UTRN: variants seen among roughly 807,000 people sequenced by gnomAD.
UTRN encodes utrophin.
UTRN carries 283 observed loss-of-function variants against 463.9 expected under a neutral mutation model. That is an observed-to-expected ratio of 0.61 (90% CI 0.55 to 0.67). The LOEUF is 0.67. Ranked by LOEUF, UTRN falls within the 30% of genes least tolerant of loss-of-function variation. The pLI, the probability that UTRN is intolerant of heterozygous loss-of-function variation, is 0.00. For synonymous variants in UTRN, 1,442 were observed against 1,431.5 expected, an observed-to-expected ratio of 1.01 and a Z score of -0.17; for missense variants, 3,922 against 4,084.3, an observed-to-expected ratio of 0.96 and a Z score of 1.08.
At chr6:144,462,626 A>G (rs1789538918) in intron 22 of UTRN, 28 bp from the exon 23 acceptor site, 3 of 1,568,700 alleles carry the variant, frequency 1.9e-6, no homozygotes, top group Non-Finnish European at 2.6e-6. Flanking sequence ...TTTTGTGCAT[A>G]TTTTTAATCT....
At position 144,851,653 on chromosome 6, in the gene UTRN, T is replaced by C. The variant is rs1194545904; in HGVS notation, c.*656T>C. ...GCCCTGTGTATGCCGTTTAACTTTA[T>C]TTGACGTTGCCCACTTACTTCTTTG... On this transcript the variant is annotated 3_prime_UTR_variant, in exon 75 of 75. Coordinates refer to ENST00000367545, the MANE Select transcript of UTRN (RefSeq NM_007124.3). 2.6e-5 allele frequency: 4 copies of C among 152,192 alleles called. No individual in the cohort carries two copies. The highest frequency in any genetic ancestry group is 5.9e-5 in the Non-Finnish European group (4 of 68,024). 9.4% of individuals were successfully genotyped at this position (152,192 alleles called of 1,614,324 possible).
In UTRN at chr6:144,444,327, G is replaced by A. The variant is rs781481107; in HGVS notation, c.1559G>A (p.Arg520His). Residue 520 changes from arginine (R) to histidine (H), a missense_variant, in exon 14 of 75, where the codon CGC becomes CAC. Transcript: ENST00000367545. ...GCAGTATGCCGTTGGACTGAAGAAC[G>A]CTGGAATAGGTTACAAGAAATCAAT... is the stretch of plus-strand genomic sequence containing the variant. ...WTAVCRWTEE[R>H]WNRLQEINIL... The A allele has an allele frequency of 1.4e-5, 23 of 1,611,386 alleles. No homozygotes were observed. Among genetic ancestry groups the A allele is most frequent in the Non-Finnish European group, 1.8e-5 (21 of 1,178,488 alleles).
intron 51 of UTRN, among the ~76,000 whole-genome samples, chr6:144,622,184 GT>G (rs1199579909): frequency 1.0e-3 from 88 of 88,204 alleles, no homozygotes; most frequent in African/African-American, 2.9e-3. Flanking sequence ...TTTTTTTGTT[GT>G]TTTTTTTTTT....
chr6:144,799,418 G>A (rs1210990989), intron 64 of UTRN: 1 of 471,338 alleles, frequency 2.1e-6, no homozygotes, highest in South Asian at 1.6e-5. Flanking sequence ...AGACAGCTAG[G>A]GTAATAGATG....
At chr6:144,583,680 G>C in intron 51 of UTRN, 1 of 466,048 alleles carries the variant, frequency 2.1e-6, no homozygotes, top group Non-Finnish European at 4.0e-6. Context: ...TAATCTTTCA[G>C]GTTCTTATCA....
At chr6:144,675,913 A>G (rs999112896) in intron 51 of UTRN, among the ~76,000 whole-genome samples, 2 of 152,194 alleles carry the variant, frequency 1.3e-5, no homozygotes, top group African/African-American at 4.8e-5. Flanking sequence ...CATTTTCCTC[A>G]AAAGAATTTT....
intron 51 of UTRN, among the ~76,000 whole-genome samples, chr6:144,643,290 T>A (rs550903879): frequency 1.3e-5 from 2 of 152,074 alleles, no homozygotes; most frequent in Non-Finnish European, 2.9e-5. Context: ...AAGGTGAAAG[T>A]TTAGATTATG....
Position 144,793,942 on chromosome 6 carries a change from C to A in UTRN, c.9029C>A (p.Ala3010Asp). The A allele has an allele frequency of 6.2e-7, 1 of 1,614,016 alleles. No homozygotes were observed. The highest frequency in any genetic ancestry group is 8.5e-7 in the Non-Finnish European group (1 of 1,179,972). Reference sequence around the variant, plus strand: ...CCCCGGCAGCTAGGTGAAGTAGCAGCTTTTGGAGGCAGTAATATTGAGCCT... The same window carrying A: ...CCCCGGCAGCTAGGTGAAGTAGCAGATTTTGGAGGCAGTAATATTGAGCCT... ...QIPRQLGEVA[A>D]FGGSNIEPSV... The change falls in exon 63 of 75, where the codon GCT becomes GAT. Residue 3010 changes from alanine to aspartate, a missense_variant. By Grantham distance (126) the Ala-to-Asp change is moderately radical (BLOSUM62 -2). Transcript: ENST00000367545.
intron 51 of UTRN, among the ~76,000 whole-genome samples, chr6:144,668,139 A>C (rs1215306719): frequency 6.6e-6 from 1 of 152,190 alleles, no homozygotes; most frequent in Non-Finnish European, 1.5e-5. Context: ...TATTAGTGTC[A>C]TGTTAGACAT....
intron 7 of UTRN, 72 bp downstream of exon 7, chr6:144,426,531 C>A: frequency 6.8e-7 from 1 of 1,462,024 alleles, no homozygotes; most frequent in Non-Finnish European, 9.2e-7. Flanking sequence ...GCTGCCACCA[C>A]TACTCCCTGA....
At chr6:144,310,732 C>T (rs768186746) in intron 2 of UTRN, among the ~76,000 whole-genome samples, 23 of 152,102 alleles carry the variant, frequency 1.5e-4, no homozygotes, top group Non-Finnish European at 2.2e-4. Context: ...GAGCTGAGAT[C>T]GTGCTACTGC....
At chr6:144,717,278 C>A (rs897161083) in intron 53 of UTRN, among the ~76,000 whole-genome samples, 3 of 152,178 alleles carry the variant, frequency 2.0e-5, no homozygotes, top group African/African-American at 7.2e-5. Context: ...AGGTTCTCTC[C>A]ACAAAGAGGA....
chr6:144,578,433 C>G (rs1298910732), intron 51 of UTRN, among the ~76,000 whole-genome samples: 1 of 152,134 alleles, frequency 6.6e-6, no homozygotes, highest in Non-Finnish European at 1.5e-5. Flanking sequence ...CTCCTGGGTT[C>G]AAGTGATTCT....
intron 53 of UTRN, among the ~76,000 whole-genome samples, chr6:144,714,551 T>C (rs1786168369): frequency 6.6e-6 from 1 of 152,254 alleles, no homozygotes; most frequent in Non-Finnish European, 1.5e-5. Flanking sequence ...AATGTTCTTC[T>C]GCTGCCATCT....
At chr6:144,446,546 T>C (rs1019641073) in intron 14 of UTRN, among the ~76,000 whole-genome samples, 4 of 152,246 alleles carry the variant, frequency 2.6e-5, no homozygotes, top group African/African-American at 9.6e-5. Context: ...GTAGCTACGG[T>C]TGTTTTCCAT....
At chr6:144,571,703 A>T (rs1444387459) in intron 50 of UTRN, among the ~76,000 whole-genome samples, 2 of 152,166 alleles carry the variant, frequency 1.3e-5, no homozygotes, top group East Asian at 3.8e-4. Context: ...GTTTACTGTA[A>T]TTTTGTTTCC....
In UTRN at chr6:144,522,108, T is replaced by C. The variant is rs754399730; in HGVS notation, c.5670T>C (p.Leu1890=). 1 of 1,585,720 alleles carries C rather than the reference T, an allele frequency of 6.3e-7. No individual in the cohort carries two copies. Among genetic ancestry groups the C allele is most frequent in the African/African-American group, 1.4e-5 (1 of 72,914 alleles). Residue 1890 remains leucine, a synonymous_variant, in exon 40 of 75, where the codon CTT becomes CTC. Coordinates refer to ENST00000367545, the MANE Select transcript of UTRN (RefSeq NM_007124.3). The part of the protein sequence containing the change: ...LLCMDDVELS[L]NVPELNTAIY... ...GCATGGATGATGTTGAATTATCGCT[T>C]AATGTTCCAGAGCTCAACACTGCTA...
intron 51 of UTRN, among the ~76,000 whole-genome samples, chr6:144,579,245 T>A (rs1801729335): frequency 2.0e-5 from 3 of 152,246 alleles, no homozygotes; most frequent in South Asian, 2.1e-4. Flanking sequence ...TGTTAATTGA[T>A]AAAATATTTA....
At chr6:144,536,139 T>C (rs1484828463) in intron 43 of UTRN, among the ~76,000 whole-genome samples, 1 of 152,204 alleles carries the variant, frequency 6.6e-6, no homozygotes, top group East Asian at 1.9e-4. Flanking sequence ...AATTTGTTTT[T>C]ACTCTTGGGG....
Sources: gnomAD v4.1 joint callset for allele counts (sites outside exome capture counted in the v4.1 genomes callset) on GRCh38, gnomAD v4.1.1 for gene constraint, MANE v1.5 for transcripts, NCBI Gene and HGNC (gene_info 2026-07-23, HGNC 2026-07-21) for gene names.